CLDN10: variants seen among roughly 807,000 people sequenced by gnomAD.
The protein encoded by CLDN10 is claudin 10, also known as claudin-10.
In CLDN10, 15 loss-of-function variants were observed where a neutral mutation model predicts 22.9. The observed-to-expected ratio is 0.65, with a 90% CI of 0.44 to 1.01. CLDN10 has a LOEUF of 1.01. CLDN10 is among the 50% of genes least tolerant of loss of function. The probability of loss-of-function intolerance (pLI) is 0.00; values close to 1 mark genes in which losing one functional copy is unlikely to be tolerated. For missense variants in CLDN10, 247 were observed against 287.8 expected (o/e 0.86, Z 1.03); for synonymous variants, 114 against 111.4 (o/e 1.02, Z -0.15).
At chr13:95,535,463 G>A (rs571623654) in intron 1 of CLDN10, among the ~76,000 whole-genome samples, 1 of 150,716 alleles carries the variant, frequency 6.6e-6, no homozygotes, top group Admixed American at 6.7e-5. Flanking sequence ...AGGGAAGAGC[G>A]CCATCCAAGA....
At chr13:95,549,668 C>G (rs1047607606), upstream of CLDN10, among the ~76,000 whole-genome samples, 26 of 152,126 alleles carry the variant, frequency 1.7e-4, no homozygotes, top group African/African-American at 6.3e-4. Context: ...CTCCAACATA[C>G]AGCTTTCCAC....
intron 3 of CLDN10, among the ~76,000 whole-genome samples, chr13:95,564,577 C>A (rs1329598450): frequency 6.6e-6 from 1 of 152,186 alleles, no homozygotes; most frequent in Non-Finnish European, 1.5e-5. Flanking sequence ...TTTGCTGCTG[C>A]TCTTGTTTTT....
At position 95,560,435 on chromosome 13, in the gene CLDN10, T is replaced by TTC; in HGVS notation, c.438_439dup (p.Phe147SerfsTer13). ...ATATGCAAACAAAATCACAACGGAA[T>TTC]TCTTTGATCCTCTCTTTGTTGAGCA... is the stretch of plus-strand genomic sequence containing the variant. On this transcript the variant is annotated frameshift_variant, in exon 3 of 5. Coordinates refer to ENST00000299339, the MANE Select transcript of CLDN10 (RefSeq NM_006984.5). LOFTEE classifies it high-confidence loss of function. 6.2e-7 allele frequency: 1 copy of TTC among 1,613,998 alleles called. No individual in the cohort carries two copies. Among genetic ancestry groups the TTC allele is most frequent in the Middle Eastern group, 1.6e-4 (1 of 6,062 alleles).
chr13:95,537,345 C>A (rs1405794785), intron 1 of CLDN10, among the ~76,000 whole-genome samples: 1 of 151,940 alleles, frequency 6.6e-6, no homozygotes, highest in Non-Finnish European at 1.5e-5. Context: ...CAATGAATAC[C>A]CAGTATGCAC....
At position 95,505,306 on chromosome 13, in the gene CLDN10, A is replaced by T. The variant is rs116420795; in HGVS notation, c.215-54826A>T. ...TTCTCTCTCTCTGGAAATTTAGCAG[A>T]ACCCACTCATTTTTAAAGGCAGGTA... On this transcript the variant is annotated intron_variant, in intron 1 of 4. Coordinates refer to the CLDN10 transcript ENST00000376873. Among the ~76,000 whole-genome samples, 1,319 of 152,260 alleles carry T rather than the reference A, an allele frequency of 8.7e-3. 20 individuals are homozygous for T. The highest frequency in any genetic ancestry group is 0.031 in the African/African-American group (1,269 of 41,540).
chr13:95,516,975 CTT>C (rs1158058809), intron 1 of CLDN10, among the ~76,000 whole-genome samples: 1 of 3,564 alleles, frequency 2.8e-4, no homozygotes, highest in African/African-American at 5.7e-4. Context: ...TCTCTCCTTC[CTT>C]CCTTCCTTCC....
chr13:95,500,793 C>A (rs2042976641), intron 1 of CLDN10, among the ~76,000 whole-genome samples: 1 of 151,986 alleles, frequency 6.6e-6, no homozygotes, highest in African/African-American at 2.4e-5. Flanking sequence ...CACCAGAAAC[C>A]ATTAAAAGTT....
intron 1 of CLDN10, among the ~76,000 whole-genome samples, chr13:95,555,450 T>C (rs966599375): frequency 2.6e-5 from 4 of 152,222 alleles, no homozygotes; most frequent in Non-Finnish European, 4.4e-5. Context: ...CTTTTGTGAA[T>C]TGGCATCCAT....
intron 1 of CLDN10, among the ~76,000 whole-genome samples, chr13:95,500,814 G>A (rs1315853318): frequency 6.6e-6 from 1 of 152,056 alleles, no homozygotes; most frequent in Non-Finnish European, 1.5e-5. Flanking sequence ...TTTAATTAGA[G>A]AAGTGACCTC....
At position 95,578,060 on chromosome 13, in the gene CLDN10, A is replaced by ACTGTT; in HGVS notation, c.*48_*52dup. On this transcript the variant is annotated 3_prime_UTR_variant, in exon 5 of 5. Coordinates refer to ENST00000299339, the MANE Select transcript of CLDN10 (RefSeq NM_006984.5). ...CCTCTTGAGTTTGTTATAAAAGCGA[A>ACTGTT]CTGTTCACAAAATGATCCCATCAAG... 1 of 1,134,162 alleles carries ACTGTT rather than the reference A, an allele frequency of 8.8e-7. No individual in the cohort carries two copies. Among genetic ancestry groups the ACTGTT allele is most frequent in the Non-Finnish European group, 1.3e-6 (1 of 760,368 alleles). The allele number at this position is 1,134,162 out of a possible 1,614,324, so 70.3% of individuals were successfully genotyped here.
chr13:95,549,570 A>C (rs2043543738), upstream of CLDN10, among the ~76,000 whole-genome samples: 2 of 152,234 alleles, frequency 1.3e-5, no homozygotes, highest in South Asian at 4.1e-4. Context: ...AAGACATTCT[A>C]AAATAAAAAT....
intron 1 of CLDN10, among the ~76,000 whole-genome samples, chr13:95,449,655 C>T (rs1594526274): frequency 6.6e-6 from 1 of 152,084 alleles, no homozygotes; most frequent in African/African-American, 2.4e-5. Context: ...TAACATTGAA[C>T]TCCTGGGCTC....
intron 1 of CLDN10, chr13:95,479,448 G>T (rs2042720467): frequency 6.6e-6 from 1 of 152,080 alleles, no homozygotes; most frequent in African/African-American, 2.4e-5. Flanking sequence ...AAGGTATTAG[G>T]ATTGTCAAAT....
intron 1 of CLDN10, among the ~76,000 whole-genome samples, chr13:95,500,670 G>A (rs563187751): frequency 6.6e-6 from 1 of 152,298 alleles, no homozygotes; most frequent in Admixed American, 6.5e-5. Flanking sequence ...CTGTGAGTAG[G>A]GTCTGGCATG....
Position 95,540,015 on chromosome 13 carries a change from C to T in CLDN10, c.215-20117C>T, listed in dbSNP as rs536813878. ...GCCAAAAATATAAAAATTAGCCTGA[C>T]GTGGCCAGGCGCGGTGGCTCACGCC... On this transcript the variant is annotated intron_variant, in intron 1 of 4. Coordinates refer to the CLDN10 transcript ENST00000376873. Among the ~76,000 whole-genome samples, 5 of 148,226 alleles carry T rather than the reference C, an allele frequency of 3.4e-5. No homozygotes were observed. In the South Asian group the frequency reaches 8.6e-4, roughly 26 times the overall value.
At chr13:95,496,163 C>T (rs1181713843) in intron 1 of CLDN10, among the ~76,000 whole-genome samples, 2 of 152,200 alleles carry the variant, frequency 1.3e-5, no homozygotes, top group East Asian at 1.9e-4. Context: ...ACCAAACCCT[C>T]GCCTATACAA....
At chr13:95,516,885 G>A (rs4635199) in intron 1 of CLDN10, among the ~76,000 whole-genome samples, 130,939 of 151,636 alleles carry the variant, frequency 0.86, 56,741 homozygotes, top group East Asian at 0.96. Context: ...ACATCCAGGC[G>A]TATGAGATGA....
intron 3 of CLDN10, among the ~76,000 whole-genome samples, chr13:95,574,338 G>T (rs1322940533): frequency 3.3e-5 from 5 of 152,074 alleles, no homozygotes; most frequent in Non-Finnish European, 7.4e-5. Context: ...AAAAAAAATG[G>T]GGTAGATGTA....
chr13:95,473,953 C>A (rs2042660493), intron 1 of CLDN10, among the ~76,000 whole-genome samples: 1 of 152,220 alleles, frequency 6.6e-6, no homozygotes, highest in African/African-American at 2.4e-5. Context: ...CGGTCCCCAA[C>A]CTTTTTGGCA....
Sources: allele counts gnomAD v4.1 joint callset (sites outside exome capture counted in the v4.1 genomes callset), GRCh38; gene constraint gnomAD v4.1.1; transcripts MANE v1.5; gene names NCBI Gene and HGNC (gene_info 2026-07-23, HGNC 2026-07-21).